The following KCNB2 variants were observed in gnomAD, a reference collection of about 807,000 sequenced individuals.
KCNB2 encodes delayed rectifier potassium channel protein.
A neutral mutation model predicts 61.5 loss-of-function variants in KCNB2; 15 were observed. That is an observed-to-expected ratio of 0.24 (90% CI 0.16 to 0.38). The LOEUF (loss-of-function observed/expected upper bound fraction) is 0.38, where lower values mean the gene tolerates loss of function less well. Among genes scored for constraint, KCNB2 ranks in the 10% least tolerant of loss-of-function variants. KCNB2 has a pLI of 1.00. For missense variants in KCNB2, 828 were observed against 1,125.2 expected, an observed-to-expected ratio of 0.74 and a Z score of 3.78; for synonymous variants, 457 against 446.0, an observed-to-expected ratio of 1.02 and a Z score of -0.31.
intron 2 of KCNB2, among the ~76,000 whole-genome samples, chr8:72,928,489 A>G (rs1280530985): frequency 6.6e-6 from 1 of 151,780 alleles, no homozygotes; most frequent in East Asian, 1.9e-4. Flanking sequence ...AGCCACCTCC[A>G]CTTTCCTATT....
At chr8:72,702,007 A>T (rs961231206) in intron 2 of KCNB2, among the ~76,000 whole-genome samples, 1 of 152,154 alleles carries the variant, frequency 6.6e-6, no homozygotes, top group African/African-American at 2.4e-5. Flanking sequence ...CTTCTTTTCA[A>T]TTAGGTGTAT....
rs568926581 is a variant in KCNB2, at chr8:72,920,441, ATATC to A, written c.580-15462_580-15459del. Among the ~76,000 whole-genome samples the A allele has an allele frequency of 8.4e-4, 88 of 105,180 alleles. 10 individuals carry two copies. Among genetic ancestry groups the A allele is most frequent in the East Asian group, 3.4e-3 (15 of 4,426 alleles). 69.0% of individuals were successfully genotyped at this position (105,180 alleles called of 152,430 possible). ...AACATGGCAAAACCCCCTCTCCACTATATCTATCTATCTATCTATCTATCTATCT... is the reference window on the plus strand; with the variant it reads ...AACATGGCAAAACCCCCTCTCCACTATATCTATCTATCTATCTATCTATCT... On this transcript the variant is annotated intron_variant, in intron 2 of 2. Transcript: ENST00000523207.
At chr8:72,735,892 T>C (rs772789814) in intron 2 of KCNB2, among the ~76,000 whole-genome samples, 5 of 152,168 alleles carry the variant, frequency 3.3e-5, no homozygotes, top group Non-Finnish European at 7.4e-5. Context: ...AAATTTCATC[T>C]TTCATATAAA....
chr8:72,792,320 C>T (rs952275384), intron 2 of KCNB2, among the ~76,000 whole-genome samples: 1 of 152,182 alleles, frequency 6.6e-6, no homozygotes. Flanking sequence ...CCCCACCTCC[C>T]AAGCTGTGTG....
chr8:72,780,807 C>T (rs1287040792), intron 2 of KCNB2, among the ~76,000 whole-genome samples: 1 of 152,124 alleles, frequency 6.6e-6, no homozygotes, highest in African/African-American at 2.4e-5. Flanking sequence ...CACTGTCTTC[C>T]ACAATGGTTG....
chr8:72,641,105 T>A (rs1806048444), intron 2 of KCNB2, among the ~76,000 whole-genome samples: 1 of 152,210 alleles, frequency 6.6e-6, no homozygotes, highest in Non-Finnish European at 1.5e-5. Context: ...TGTATAATTA[T>A]GGCATTGATG....
At chr8:72,561,203 C>T (rs1051086178) in intron 1 of KCNB2, among the ~76,000 whole-genome samples, 4 of 151,308 alleles carry the variant, frequency 2.6e-5, no homozygotes, top group African/African-American at 9.7e-5. Context: ...TGTCACTAGG[C>T]TGGAGTGCAG....
chr8:72,783,938 T>C (rs548696102), intron 2 of KCNB2, among the ~76,000 whole-genome samples: 6 of 152,078 alleles, frequency 3.9e-5, no homozygotes, highest in Non-Finnish European at 7.4e-5. Context: ...AATCCTATCA[T>C]CCTTTAAAAC....
intron 2 of KCNB2, among the ~76,000 whole-genome samples, chr8:72,719,571 A>T (rs923616782): frequency 5.3e-5 from 8 of 152,058 alleles, no homozygotes; most frequent in African/African-American, 1.9e-4. Flanking sequence ...AAAACTCTAG[A>T]TTACCTCTTA....
At chr8:72,558,338 T>G (rs1806460072) in intron 1 of KCNB2, among the ~76,000 whole-genome samples, 1 of 152,178 alleles carries the variant, frequency 6.6e-6, no homozygotes, top group Non-Finnish European at 1.5e-5. Context: ...TCATACATAT[T>G]TGCTGCATGA....
chr8:72,666,929 TA>T (rs1563553695), intron 2 of KCNB2, among the ~76,000 whole-genome samples: 1 of 151,904 alleles, frequency 6.6e-6, no homozygotes, highest in African/African-American at 2.4e-5. Flanking sequence ...TGAAGTAGAA[TA>T]AAAAAGAACA....
intron 2 of KCNB2, among the ~76,000 whole-genome samples, chr8:72,601,066 C>T (rs930914065): frequency 1.3e-5 from 2 of 151,242 alleles, no homozygotes; most frequent in East Asian, 3.9e-4. Context: ...GGTCTTAAGA[C>T]TGTATTGCTA....
At position 72,859,706 on chromosome 8, in the gene KCNB2, C is replaced by CTTTTTTTTTTTTTTTTTTTTTTTTTTTTT. The variant is rs1810264452; in HGVS notation, c.580-76229_580-76228insTTTTTTTTTTTTTTTTTTTTTTTTTTTTT. ...TGTAGCATGGATCAGTACTTCATTT[C>CTTTTTTTTTTTTTTTTTTTTTTTTTTTTT]GTTTTTTTTTTTTTTTTTTTTTTTT... On this transcript the variant is annotated intron_variant, in intron 2 of 2. Transcript: ENST00000523207. 2.2e-4 allele frequency among the ~76,000 whole-genome samples: 16 copies of CTTTTTTTTTTTTTTTTTTTTTTTTTTTTT among 73,442 alleles called. 8 individuals are homozygous for CTTTTTTTTTTTTTTTTTTTTTTTTTTTTT. The highest frequency in any genetic ancestry group is 3.5e-4 in the African/African-American group (6 of 17,008). The allele number at this position is 73,442 out of a possible 152,430, so 48.2% of individuals were successfully genotyped here. A position where few individuals can be genotyped will look rare whatever the true frequency, so the allele number is the denominator to read the frequency against.
intron 2 of KCNB2, among the ~76,000 whole-genome samples, chr8:72,610,899 A>G (rs1805526839): frequency 6.6e-6 from 1 of 152,296 alleles, no homozygotes; most frequent in African/African-American, 2.4e-5. Flanking sequence ...GTGAAATCCA[A>G]TGAGATCAGA....
intron 2 of KCNB2, among the ~76,000 whole-genome samples, chr8:72,781,504 A>T (rs1225828425): frequency 6.6e-6 from 1 of 152,160 alleles, no homozygotes; most frequent in African/African-American, 2.4e-5. Context: ...CAGTTTTGTC[A>T]AAGATAAGAT....
chr8:72,874,272 G>A lies in KCNB2; in HGVS notation c.580-61663G>A, dbSNP rs541583510. ...GTAACTTTGTCCTAGGGACTGATCC[G>A]AATTAGTTGGAGATATTCTAAAAAT... On this transcript the variant is annotated intron_variant, in intron 2 of 2. Transcript: ENST00000523207. 1.2e-4 allele frequency among the ~76,000 whole-genome samples: 19 copies of A among 152,230 alleles called. No homozygotes were observed. In the East Asian group the frequency reaches 2.7e-3, roughly 22 times the overall value.
chr8:72,937,186 A>G lies in KCNB2; in HGVS notation c.1831A>G (p.Thr611Ala). ...SSIDSFTSCA[T>A]DFTETERSPL... ...CATCGACAGCTTCACCAGCTGTGCCACCGACTTCACAGAGACAGAGAGATC... is the reference window on the plus strand; with the variant it reads ...CATCGACAGCTTCACCAGCTGTGCCGCCGACTTCACAGAGACAGAGAGATC... Residue 611 changes from threonine (T) to alanine (A), a missense_variant, in exon 3 of 3, where the codon ACC (threonine) becomes GCC (alanine). This residue lies in a region of KCNB2 where 559 missense variants were observed against 588.4 expected (regional missense o/e 0.95). Coordinates refer to ENST00000523207, the MANE Select transcript of KCNB2 (RefSeq NM_004770.3). 6.2e-7 allele frequency: 1 copy of G among 1,614,108 alleles called. No homozygotes were observed. Among genetic ancestry groups the G allele is most frequent in the Admixed American group, 1.7e-5 (1 of 60,018 alleles).
intron 2 of KCNB2, among the ~76,000 whole-genome samples, chr8:72,922,905 G>T (rs895834821): frequency 6.6e-6 from 1 of 152,098 alleles, no homozygotes; most frequent in African/African-American, 2.4e-5. Flanking sequence ...GTCCCAAGGT[G>T]GTTGGGCTAC....
intron 2 of KCNB2, among the ~76,000 whole-genome samples, chr8:72,827,993 AG>A: frequency 6.6e-6 from 1 of 152,110 alleles, no homozygotes; most frequent in Non-Finnish European, 1.5e-5. Flanking sequence ...TTGTATTTTT[AG>A]TAGAGACGGG....
Sources: allele counts gnomAD v4.1 joint callset (sites outside exome capture counted in the v4.1 genomes callset), GRCh38; gene constraint gnomAD v4.1.1; regional missense constraint gnomAD v4.1.1; transcripts MANE v1.5; gene names NCBI Gene and HGNC (gene_info 2026-07-23, HGNC 2026-07-21).